PIGK: variants seen among roughly 807,000 people sequenced by gnomAD.
The protein encoded by PIGK is GPI-anchor transamidase.
PIGK carries 42 observed loss-of-function variants against 50.6 expected under a neutral mutation model. The ratio of observed to expected loss-of-function variants is 0.83; its 90% CI spans 0.65 to 1.07. The LOEUF is 1.07. PIGK is among the 50% of genes least tolerant of loss of function. PIGK has a pLI of 0.00. For missense variants in PIGK, 448 were observed against 488.7 expected (o/e 0.92, Z 0.78); for synonymous variants, 151 against 156.0 (o/e 0.97, Z 0.24).
intron 9 of PIGK, among the ~76,000 whole-genome samples, chr1:77,125,836 T>G (rs555075979): frequency 6.7e-4 from 102 of 152,280 alleles, no homozygotes; most frequent in African/African-American, 2.4e-3. Context: ...TAGTTCAAGG[T>G]GTTGAACTAA....
intron 1 of PIGK, among the ~76,000 whole-genome samples, chr1:77,211,773 C>A (rs1184275586): frequency 6.6e-6 from 1 of 150,606 alleles, no homozygotes; most frequent in Non-Finnish European, 1.5e-5. Flanking sequence ...TGTGCTACAA[C>A]ACCCATAAAG....
rs568628014 is a variant in PIGK at position 77,105,596 on chromosome 1, A to G, written c.1072-13106T>C. On this transcript the variant is annotated intron_variant, in intron 10 of 10. Transcript: ENST00000370812. ...ACTACACAAAGGGACAGCTTAATCA[A>G]AACACTGACAATGACAGAGAATATC... Among the ~76,000 whole-genome samples, 75 of 152,248 alleles carry G rather than the reference A, an allele frequency of 4.9e-4. 1 individual carries two copies. Among genetic ancestry groups the G allele is most frequent in the African/African-American group, 1.6e-3 (68 of 41,530 alleles).
At chr1:77,106,642 C>A (rs959092952) in intron 10 of PIGK, among the ~76,000 whole-genome samples, 9 of 151,978 alleles carry the variant, frequency 5.9e-5, no homozygotes, top group African/African-American at 1.9e-4. Flanking sequence ...TACTCAATGA[C>A]AATAACCTGA....
intron 9 of PIGK, among the ~76,000 whole-genome samples, chr1:77,123,975 A>G (rs1448047726): frequency 6.6e-6 from 1 of 151,968 alleles, no homozygotes; most frequent in Admixed American, 6.6e-5. Flanking sequence ...GTATCTTTAT[A>G]AGAGGAGGAG....
intron 3 of PIGK, among the ~76,000 whole-genome samples, chr1:77,188,537 C>CGGTCCTGT (rs369800925): frequency 0.013 from 1,993 of 152,228 alleles, 38 homozygotes; most frequent in African/African-American, 0.046. Context: ...AATTTCACCT[C>CGGTCCTGT]GGTCCTGTGG....
chr1:77,152,500 T>C (rs925985783), intron 9 of PIGK, among the ~76,000 whole-genome samples: 3 of 150,948 alleles, frequency 2.0e-5, no homozygotes, highest in Non-Finnish European at 4.4e-5. Context: ...AACAGAAAAA[T>C]GAAATTACAT....
At chr1:77,096,894 T>G (rs956897317) in intron 10 of PIGK, among the ~76,000 whole-genome samples, 18 of 146,692 alleles carry the variant, frequency 1.2e-4, no homozygotes, top group African/African-American at 2.4e-4. Flanking sequence ...TTTTTTTTTT[T>G]TTTGTTTTTT....
chr1:77,161,419 GA>G lies in PIGK; in HGVS notation c.703-15del. On this transcript the variant is annotated splice_polypyrimidine_tract_variant and intron_variant, in intron 7 of 10. Coordinates refer to ENST00000370812, the MANE Select transcript of PIGK (RefSeq NM_005482.3). ...ATCAGGTTGATGCTATGGAAAGGGG[GA>G]AAAAAAGTATTTCTAACAGTATCAT... 31 of 1,355,838 alleles carry G rather than the reference GA, an allele frequency of 2.3e-5. No homozygotes were observed. Among genetic ancestry groups the G allele is most frequent in the Non-Finnish European group, 3.1e-5 (29 of 949,110 alleles). 84.0% of individuals were successfully genotyped at this position (1,355,838 alleles called of 1,614,324 possible).
At chr1:77,094,146 A>G (rs1284256177) in intron 10 of PIGK, among the ~76,000 whole-genome samples, 1 of 152,140 alleles carries the variant, frequency 6.6e-6, no homozygotes, top group Non-Finnish European at 1.5e-5. Flanking sequence ...ATCTAAAACT[A>G]CTTTTCCACA....
chr1:77,188,844 A>AG (rs2100574152), intron 3 of PIGK, among the ~76,000 whole-genome samples: 1 of 152,286 alleles, frequency 6.6e-6, no homozygotes, highest in South Asian at 2.1e-4. Context: ...TTATCGGGGC[A>AG]GGTTCCCCGA....
chr1:77,130,207 CTA>C (rs201529397), intron 9 of PIGK, among the ~76,000 whole-genome samples: 1,253 of 49,726 alleles, frequency 0.025, 34 homozygotes, highest in African/African-American at 0.14. Flanking sequence ...TTTTTTTTTG[CTA>C]TATATGATAT....
chr1:77,122,385 G>A (rs1654120994), intron 9 of PIGK, 26 bp from the exon 10 acceptor site: 1 of 1,252,722 alleles, frequency 8.0e-7, no homozygotes, highest in Non-Finnish European at 1.2e-6. Flanking sequence ...TAAAAACACA[G>A]AGCTAAGGCA....
intron 3 of PIGK, among the ~76,000 whole-genome samples, chr1:77,184,024 C>T (rs768036917): frequency 6.7e-4 from 102 of 152,274 alleles, no homozygotes; most frequent in Admixed American, 3.3e-3. Context: ...GTGGGAACCG[C>T]AGTTGCTCAA....
At chr1:77,189,738 TATATATATATACACACACACAC>T (rs1379681279) in intron 3 of PIGK, among the ~76,000 whole-genome samples, 49 of 32,040 alleles carry the variant, frequency 1.5e-3, no homozygotes, top group African/African-American at 6.6e-3. Flanking sequence ...TATATATATA[TATATATATATACACACACACAC>T]ACACACACAC....
intron 9 of PIGK, among the ~76,000 whole-genome samples, chr1:77,140,112 G>GTAATCCCCA (rs1654614927): frequency 1.3e-5 from 2 of 152,148 alleles, no homozygotes; most frequent in African/African-American, 2.4e-5. Flanking sequence ...TGCTGGAGGT[G>GTAATCCCCA]GTGCCTGATG....
chr1:77,167,008 C>A (rs920644553), intron 4 of PIGK, among the ~76,000 whole-genome samples, 178 bp from the exon 5 acceptor site: 2 of 152,122 alleles, frequency 1.3e-5, no homozygotes, highest in African/African-American at 4.8e-5. Context: ...TAAACATATA[C>A]CTCCAAGTAA....
chr1:77,193,245 A>ATGTGTG (rs56987496), intron 3 of PIGK, among the ~76,000 whole-genome samples: 7,187 of 144,814 alleles, frequency 0.05, 213 homozygotes, highest in South Asian at 0.066. Context: ...TGGCATGAGA[A>ATGTGTG]TGTGTGTGTG....
At chr1:77,130,910 G>T (rs1654359100) in intron 9 of PIGK, among the ~76,000 whole-genome samples, 2 of 152,056 alleles carry the variant, frequency 1.3e-5, no homozygotes, top group Admixed American at 1.3e-4. Context: ...CTGCTTTGAG[G>T]ATTAAACAAG....
chr1:77,202,529 A>G (rs1489904238), intron 3 of PIGK, among the ~76,000 whole-genome samples: 1 of 152,206 alleles, frequency 6.6e-6, no homozygotes, highest in Non-Finnish European at 1.5e-5. Flanking sequence ...ACTGAAACTG[A>G]AAGATCAGAA....
Sources: gnomAD v4.1 joint callset for allele counts (sites outside exome capture counted in the v4.1 genomes callset) on GRCh38, gnomAD v4.1.1 for gene constraint, MANE v1.5 for transcripts, NCBI Gene and HGNC (gene_info 2026-07-23, HGNC 2026-07-21) for gene names.